The following DLGAP1 variants were observed in gnomAD, a reference collection of about 807,000 sequenced individuals.
The protein encoded by DLGAP1 is disks large-associated protein 1.
Under a neutral mutation model 90.8 loss-of-function variants are expected in DLGAP1, and 11 were observed. The ratio of observed to expected loss-of-function variants is 0.12; its 90% confidence interval spans 0.08 to 0.20. The LOEUF (loss-of-function observed/expected upper bound fraction) is 0.20. Among genes scored for constraint, DLGAP1 ranks in the 10% least tolerant of loss-of-function variants. The probability of loss-of-function intolerance (pLI) is 1.00; values close to 1 mark genes in which losing one functional copy is unlikely to be tolerated. For synonymous variants in DLGAP1, 558 were observed against 540.7 expected (o/e 1.03, Z -0.44); for missense variants, 1,050 against 1,333.8 (o/e 0.79, Z 3.31).
chr18:3,520,823 G>A (rs897940949), intron 10 of DLGAP1, among the ~76,000 whole-genome samples: 2 of 152,144 alleles, frequency 1.3e-5, no homozygotes, highest in South Asian at 2.1e-4. Flanking sequence ...CTTCGCTCTC[G>A]TATTTCTTCT....
intron 7 of DLGAP1, among the ~76,000 whole-genome samples, chr18:3,642,784 AT>A: frequency 6.6e-6 from 1 of 152,338 alleles, no homozygotes; most frequent in East Asian, 1.9e-4. Flanking sequence ...GATAAGATAC[AT>A]TCTTTGTCCA....
At chr18:4,000,670 A>G (rs1290582903) in intron 3 of DLGAP1, among the ~76,000 whole-genome samples, 1 of 152,202 alleles carries the variant, frequency 6.6e-6, no homozygotes, top group African/African-American at 2.4e-5. Flanking sequence ...TTAAAGATCA[A>G]TGTTGCTGGT....
chr18:4,378,295 GTTAC>G lies in DLGAP1; in HGVS notation c.-267+76707_-267+76710del, dbSNP rs1307026728. Among the ~76,000 whole-genome samples the G allele has an allele frequency of 3.3e-5, 5 of 151,780 alleles. No individual in the cohort carries two copies. Among genetic ancestry groups the G allele is most frequent in the African/African-American group, 1.2e-4 (5 of 41,352 alleles). Reference sequence around the variant, plus strand: ...TTTTATTTTTCACATTTAGTTTTGTGTTACTTACATTGAACATGTAACTCTATCA... The same window carrying G: ...TTTTATTTTTCACATTTAGTTTTGTGTTACATTGAACATGTAACTCTATCA... On this transcript the variant is annotated intron_variant, in intron 1 of 12. Transcript: ENST00000315677. The surrounding 1 kb of genome is among the most constrained non-coding windows in gnomAD (Gnocchi z 4.5).
intron 5 of DLGAP1, among the ~76,000 whole-genome samples, chr18:3,812,729 C>T (rs778323270): frequency 1.3e-4 from 20 of 152,238 alleles, no homozygotes; most frequent in African/African-American, 3.9e-4. Context: ...CGTCTCTGTC[C>T]GGATCTTTAA....
Position 3,610,863 on chromosome 18 carries a change from A to G in DLGAP1, c.1592-28615T>C, listed in dbSNP as rs149826407. On this transcript the variant is annotated intron_variant, in intron 7 of 12. Transcript: ENST00000315677. Reference sequence around the variant, plus strand: ...CAAAAAAATAAAAAAAGATGGTATAAAAGTATTAACTGTATGGTCTTTTTT... The same window carrying G: ...CAAAAAAATAAAAAAAGATGGTATAGAAGTATTAACTGTATGGTCTTTTTT... 5.2e-3 allele frequency among the ~76,000 whole-genome samples: 773 copies of G among 147,908 alleles called. 16 individuals are homozygous for G. Among genetic ancestry groups the G allele is most frequent in the African/African-American group, 0.019 (746 of 40,286 alleles).
At chr18:4,416,795 G>A (rs1032390130) in intron 1 of DLGAP1, among the ~76,000 whole-genome samples, 4 of 152,202 alleles carry the variant, frequency 2.6e-5, no homozygotes, top group African/African-American at 4.8e-5. Flanking sequence ...TGGCATGGGG[G>A]AAAGAACACA....
intron 3 of DLGAP1, among the ~76,000 whole-genome samples, chr18:3,979,938 C>G (rs1387289365): frequency 6.6e-6 from 1 of 152,106 alleles, no homozygotes; most frequent in Non-Finnish European, 1.5e-5. Flanking sequence ...GAGTTCGAGA[C>G]CAGCCTGGCC....
intron 1 of DLGAP1, among the ~76,000 whole-genome samples, chr18:4,318,910 G>T (rs2080602718): frequency 6.6e-6 from 1 of 152,158 alleles, no homozygotes; most frequent in Non-Finnish European, 1.5e-5. Context: ...GGAGGAATAT[G>T]TTCAAAAGAT....
At chr18:4,269,566 G>A (rs1023377762) in intron 1 of DLGAP1, among the ~76,000 whole-genome samples, 7 of 151,842 alleles carry the variant, frequency 4.6e-5, no homozygotes, top group African/African-American at 1.5e-4. Context: ...GTGTTAGCCA[G>A]GATGGTCTCG....
intron 7 of DLGAP1, among the ~76,000 whole-genome samples, chr18:3,588,351 C>T (rs562788381): frequency 9.9e-5 from 15 of 151,784 alleles, no homozygotes; most frequent in Middle Eastern, 3.4e-3. Flanking sequence ...CCCAGCTACT[C>T]GGGAGGCTGA....
intron 2 of DLGAP1, among the ~76,000 whole-genome samples, chr18:4,124,186 T>C (rs1451483820): frequency 1.3e-5 from 2 of 152,130 alleles, no homozygotes; most frequent in Non-Finnish European, 2.9e-5. Context: ...TCCTGAGAGC[T>C]CCTGTGCCAA....
At chr18:3,584,872 C>G (rs913923965) in intron 7 of DLGAP1, among the ~76,000 whole-genome samples, 1 of 152,188 alleles carries the variant, frequency 6.6e-6, no homozygotes, top group Non-Finnish European at 1.5e-5. Context: ...CCACTTCAAT[C>G]TCTTGAGCAG....
intron 1 of DLGAP1, among the ~76,000 whole-genome samples, chr18:4,186,457 G>A (rs1475674068): frequency 6.6e-6 from 1 of 152,120 alleles, no homozygotes; most frequent in African/African-American, 2.4e-5. Context: ...TTTGTACATG[G>A]TGTGAGGAAG....
At chr18:3,671,183 G>A (rs1275577075) in intron 7 of DLGAP1, among the ~76,000 whole-genome samples, 1 of 100,048 alleles carries the variant, frequency 1.0e-5, no homozygotes, top group African/African-American at 5.2e-5. Flanking sequence ...GCTCTTTGCT[G>A]CTTTTTTTTT....
chr18:3,834,840 C>T (rs1033788867), intron 4 of DLGAP1, among the ~76,000 whole-genome samples: 1 of 152,098 alleles, frequency 6.6e-6, no homozygotes, highest in African/African-American at 2.4e-5. Flanking sequence ...CCCAAATGTA[C>T]GACCACTGGA....
chr18:3,769,812 T>G (rs12604870), intron 5 of DLGAP1, among the ~76,000 whole-genome samples: 2 of 151,906 alleles, frequency 1.3e-5, no homozygotes, highest in African/African-American at 4.8e-5. Flanking sequence ...CTTTGTGATA[T>G]TGTTCTACAG....
At chr18:4,397,825 G>A (rs1164281619) in intron 1 of DLGAP1, among the ~76,000 whole-genome samples, 5 of 152,142 alleles carry the variant, frequency 3.3e-5, no homozygotes, top group Admixed American at 6.5e-5. Flanking sequence ...TAATCAGCCG[G>A]AGGTAAAGAT....
intron 1 of DLGAP1, among the ~76,000 whole-genome samples, chr18:4,335,692 T>C (rs1375828738): frequency 6.6e-6 from 1 of 152,114 alleles, no homozygotes; most frequent in Non-Finnish European, 1.5e-5. Context: ...AACCTGAGAA[T>C]GTAAAAAAAG....
intron 1 of DLGAP1, among the ~76,000 whole-genome samples, chr18:4,244,182 A>C (rs1055818324): frequency 6.6e-6 from 1 of 152,194 alleles, no homozygotes. Context: ...TAAGAGTGTC[A>C]GTAGGAAATC....
Sources: gnomAD v4.1 joint callset for allele counts (sites outside exome capture counted in the v4.1 genomes callset) on GRCh38, gnomAD v4.1.1 for gene constraint, Gnocchi (gnomAD v3.1) non-coding constraint, MANE v1.5 for transcripts, NCBI Gene and HGNC (gene_info 2026-07-23, HGNC 2026-07-21) for gene names.